Variants in EMSY observed in about 807,000 individuals in gnomAD.
EMSY encodes the protein EMSY transcriptional repressor, BRCA2 interacting, also known as BRCA2-interacting transcriptional repressor EMSY.
EMSY carries 26 observed loss-of-function variants against 134.6 expected under a neutral mutation model. The ratio of observed to expected loss-of-function variants is 0.19; its 90% confidence interval spans 0.14 to 0.27. The LOEUF is 0.27. Ranked by LOEUF, EMSY falls within the 10% of genes least tolerant of loss-of-function variation. The pLI is 1.00. For missense variants in EMSY, 1,305 were observed against 1,611.4 expected, an observed-to-expected ratio of 0.81 and a Z score of 3.26; for synonymous variants, 579 against 577.8, an observed-to-expected ratio of 1.00 and a Z score of -0.03.
At position 76,492,926 on chromosome 11, in the gene EMSY, G is replaced by T. The variant is rs1949480419; in HGVS notation, c.1109-3289G>T. On this transcript the variant is annotated intron_variant, in intron 8 of 20. Transcript: ENST00000334736. ...ACCAATCAGCATGCACTTCCTCCCT[G>T]CTGAGCCCATGAAAACCCTGGACTT... Among the ~76,000 whole-genome samples the T allele has an allele frequency of 4.6e-5, 7 of 152,170 alleles. No individual in the cohort carries two copies. In the South Asian group the frequency reaches 1.5e-3, roughly 32 times the overall value.
intron 10 of EMSY, among the ~76,000 whole-genome samples, chr11:76,515,925 T>C (rs1950434788): frequency 6.6e-6 from 1 of 152,218 alleles, no homozygotes; most frequent in Non-Finnish European, 1.5e-5. Flanking sequence ...CATCACAAAA[T>C]TTTATGTGTA....
intron 8 of EMSY, among the ~76,000 whole-genome samples, chr11:76,492,284 G>T (rs1490140802): frequency 6.6e-6 from 1 of 152,080 alleles, no homozygotes; most frequent in African/African-American, 2.4e-5. Flanking sequence ...GAGCAGCCTG[G>T]CCAACATGGT....
intron 1 of EMSY, 120 bp from the exon 2 acceptor site, chr11:76,446,780 T>C: frequency 1.7e-6 from 1 of 586,842 alleles, no homozygotes; most frequent in Non-Finnish European, 3.0e-6. Context: ...GAGAAAGGAT[T>C]GTAAAATAGT....
At chr11:76,499,828 T>C (rs1157653831) in intron 9 of EMSY, among the ~76,000 whole-genome samples, 1 of 152,126 alleles carries the variant, frequency 6.6e-6, no homozygotes, top group Non-Finnish European at 1.5e-5. Context: ...TATACATGTG[T>C]TGGCCATGTG....
At chr11:76,517,480 A>T (rs1457408187) in intron 11 of EMSY, among the ~76,000 whole-genome samples, 1 of 152,146 alleles carries the variant, frequency 6.6e-6, no homozygotes, top group Non-Finnish European at 1.5e-5. Context: ...TCAAAAAGGG[A>T]TCTTATATTT....
exon 20 of EMSY, chr11:76,545,987 T>G (rs1290943441): frequency 1.9e-6 from 3 of 1,614,072 alleles, no homozygotes; most frequent in Non-Finnish European, 2.5e-6. Flanking sequence ...ATGTCTTTGA[T>G]GGAAGCTCAG....
chr11:76,535,871 T>TC, intron 14 of EMSY, 24 bp from the exon 16 acceptor site: 1 of 1,443,750 alleles, frequency 6.9e-7, no homozygotes, highest in South Asian at 1.6e-5. Flanking sequence ...TAGGGTTTGT[T>TC]TTTTTTTAAC....
At chr11:76,463,903 G>T in exon 7 of EMSY, 1 of 1,614,172 alleles carries the variant, frequency 6.2e-7, no homozygotes, top group Non-Finnish European at 8.5e-7. Flanking sequence ...TTGTTCTAAA[G>T]GAAGTTCCAA....
chr11:76,476,424 G>T (rs888428208), intron 8 of EMSY, among the ~76,000 whole-genome samples: 5 of 152,120 alleles, frequency 3.3e-5, no homozygotes, highest in Non-Finnish European at 7.4e-5. Context: ...TCTTAAAGAA[G>T]TACTTTCCTT....
chr11:76,523,824 C>T (rs541367440), intron 12 of EMSY, among the ~76,000 whole-genome samples: 303 of 145,464 alleles, frequency 2.1e-3, no homozygotes, highest in African/African-American at 7.4e-3. Context: ...GTGGGAGAAT[C>T]GCTTTAGCCC....
intron 3 of EMSY, among the ~76,000 whole-genome samples, chr11:76,452,161 A>G (rs1947696094): frequency 1.3e-5 from 2 of 152,248 alleles, no homozygotes; most frequent in Non-Finnish European, 2.9e-5. Context: ...TCCAGAATGA[A>G]TATAATCCAG....
At chr11:76,513,609 C>T in intron 10 of EMSY, 74 bp downstream of exon 11, 1 of 1,497,762 alleles carries the variant, frequency 6.7e-7, no homozygotes, top group South Asian at 1.3e-5. Context: ...CAGCAATATG[C>T]TTGACACTTG....
intron 6 of EMSY, among the ~76,000 whole-genome samples, chr11:76,463,080 C>T (rs2135148331): frequency 6.6e-6 from 1 of 151,988 alleles, no homozygotes; most frequent in South Asian, 2.1e-4. Flanking sequence ...CTTTGGGAGG[C>T]CAAGGCGGGT....
chr11:76,445,572 GGGGGC>G (rs1947346608), intron 1 of EMSY, among the ~76,000 whole-genome samples: 1 of 152,138 alleles, frequency 6.6e-6, no homozygotes, highest in Non-Finnish European at 1.5e-5. Flanking sequence ...TGTTTGGAGA[GGGGGC>G]GGGGCGGGCT....
downstream of EMSY, chr11:76,552,144 C>A (rs1326506613): frequency 1.3e-5 from 2 of 151,956 alleles, no homozygotes; most frequent in Non-Finnish European, 2.9e-5. Context: ...GTGTTAATTC[C>A]AAATAGAGCA....
chr11:76,496,247 A>G, exon 9 of EMSY: 3 of 1,614,120 alleles, frequency 1.9e-6, no homozygotes, highest in East Asian at 2.2e-5. Context: ...AATGGCATCA[A>G]CCAGACTTCC....
At chr11:76,541,981 A>G in intron 17 of EMSY, 1 of 609,218 alleles carries the variant, frequency 1.6e-6, no homozygotes, top group South Asian at 2.0e-5. Context: ...TCTCATCCTT[A>G]TAATAGCTCT....
chr11:76,534,934 A>G (rs1951172641), intron 14 of EMSY, among the ~76,000 whole-genome samples: 2 of 152,130 alleles, frequency 1.3e-5, no homozygotes, highest in Non-Finnish European at 1.5e-5. Flanking sequence ...TGCTTATTTT[A>G]TAGGTGGAAA....
chr11:76,498,062 G>A (rs375285542), intron 9 of EMSY, among the ~76,000 whole-genome samples: 19 of 151,994 alleles, frequency 1.3e-4, no homozygotes, highest in African/African-American at 4.6e-4. Flanking sequence ...TTTTGTGTAA[G>A]ACTTCTTCTT....
Sources: allele counts gnomAD v4.1 joint callset (sites outside exome capture counted in the v4.1 genomes callset), GRCh38; gene constraint gnomAD v4.1.1; transcripts MANE v1.5; gene names NCBI Gene and HGNC (gene_info 2026-07-23, HGNC 2026-07-21).